CNTNAP2: variants seen among roughly 807,000 people sequenced by gnomAD.
The protein encoded by CNTNAP2 is contactin-associated protein-like 2.
A neutral mutation model predicts 155.2 loss-of-function variants in CNTNAP2; 98 were observed. The ratio of observed to expected loss-of-function variants is 0.63; its 90% CI spans 0.54 to 0.75. CNTNAP2 has a LOEUF of 0.75. Ranked by LOEUF, CNTNAP2 falls within the 30% of genes least tolerant of loss-of-function variation. The pLI, the probability that CNTNAP2 is intolerant of heterozygous loss-of-function variation, is 0.00. For missense variants in CNTNAP2, 1,727 were observed against 1,688.1 expected, an observed-to-expected ratio of 1.02 and a Z score of -0.40; for synonymous variants, 651 against 631.2, an observed-to-expected ratio of 1.03 and a Z score of -0.47.
chr7:146,179,219 G>C (rs1343027840), intron 1 of CNTNAP2, among the ~76,000 whole-genome samples: 1 of 152,124 alleles, frequency 6.6e-6, no homozygotes, highest in African/African-American at 2.4e-5. Context: ...ATGATCAGAT[G>C]AAAGTGTTGC....
chr7:147,796,590 A>AAG (rs1797898937), intron 13 of CNTNAP2, among the ~76,000 whole-genome samples: 1 of 152,122 alleles, frequency 6.6e-6, no homozygotes, highest in African/African-American at 2.4e-5. Context: ...ATTAAAAAAA[A>AAG]AAAACATAAA....
At chr7:146,334,154 G>A (rs577676361) in intron 1 of CNTNAP2, among the ~76,000 whole-genome samples, 135 of 152,274 alleles carry the variant, frequency 8.9e-4, no homozygotes, top group African/African-American at 3.2e-3. Context: ...CGCCCTGGCC[G>A]GGCGCGGTGG....
At chr7:146,795,150 C>G (rs1585094023) in intron 2 of CNTNAP2, among the ~76,000 whole-genome samples, 1 of 152,270 alleles carries the variant, frequency 6.6e-6, no homozygotes, top group East Asian at 1.9e-4. Context: ...CAACATAAAT[C>G]TCATGATAAA....
intron 17 of CNTNAP2, among the ~76,000 whole-genome samples, chr7:148,152,545 C>T (rs1805315833): frequency 1.3e-5 from 2 of 152,118 alleles, no homozygotes; most frequent in African/African-American, 4.8e-5. Flanking sequence ...ATCTTGTGAC[C>T]TCCGGCCACA....
At chr7:147,240,638 C>T (rs1803914742) in intron 8 of CNTNAP2, among the ~76,000 whole-genome samples, 3 of 147,680 alleles carry the variant, frequency 2.0e-5, no homozygotes, top group Admixed American at 1.4e-4. Context: ...TTCTCATTGT[C>T]TTAGGAGTTT....
chr7:147,365,266 T>A (rs538011299), intron 9 of CNTNAP2, among the ~76,000 whole-genome samples: 3 of 150,178 alleles, frequency 2.0e-5, no homozygotes, highest in South Asian at 4.2e-4. Context: ...TAGCCAGGTG[T>A]GGTGGCGGGT....
At chr7:146,752,112 A>G (rs1396514347) in intron 1 of CNTNAP2, among the ~76,000 whole-genome samples, 1 of 152,140 alleles carries the variant, frequency 6.6e-6, no homozygotes, top group Non-Finnish European at 1.5e-5. Context: ...TTATGGTAGA[A>G]TGATTTATCA....
At chr7:146,655,102 AT>A (rs1188267356) in intron 1 of CNTNAP2, among the ~76,000 whole-genome samples, 1 of 152,130 alleles carries the variant, frequency 6.6e-6, no homozygotes, top group Non-Finnish European at 1.5e-5. Flanking sequence ...ATAAGTCACA[AT>A]ACGTGAAATG....
intron 13 of CNTNAP2, among the ~76,000 whole-genome samples, chr7:147,835,594 G>C (rs1189297310): frequency 1.3e-5 from 2 of 152,168 alleles, no homozygotes; most frequent in Non-Finnish European, 2.9e-5. Flanking sequence ...ATAATGATTG[G>C]AAATCAACAT....
intron 15 of CNTNAP2, among the ~76,000 whole-genome samples, chr7:148,104,506 C>T (rs1804169417): frequency 6.6e-6 from 1 of 152,182 alleles, no homozygotes. Flanking sequence ...CTGCTCTGCA[C>T]AGTGGTGGAG....
chr7:148,015,208 T>C (rs1235019450), intron 15 of CNTNAP2, among the ~76,000 whole-genome samples: 1 of 152,026 alleles, frequency 6.6e-6, no homozygotes, highest in Non-Finnish European at 1.5e-5. Flanking sequence ...CATTACATAG[T>C]ATTTTTTTAA....
At chr7:147,654,163 A>G (rs543209382) in intron 13 of CNTNAP2, among the ~76,000 whole-genome samples, 6 of 152,356 alleles carry the variant, frequency 3.9e-5, no homozygotes, top group Admixed American at 3.3e-4. Flanking sequence ...GTTATGCTAC[A>G]TAGGTCTCTT....
intron 1 of CNTNAP2, among the ~76,000 whole-genome samples, chr7:146,603,709 T>C (rs1319365388): frequency 6.6e-6 from 1 of 151,128 alleles, no homozygotes; most frequent in Non-Finnish European, 1.5e-5. Context: ...AGCATGGTAC[T>C]GGTACCAAAA....
rs151006081 is a variant in CNTNAP2, at chr7:146,379,739, T to C, written c.97+262766T>C. Among the ~76,000 whole-genome samples the C allele has an allele frequency of 6.9e-4, 105 of 152,288 alleles. 1 individual carries two copies. The East Asian group carries it at 0.011, about 17-fold the overall frequency. On this transcript the variant is annotated intron_variant, in intron 1 of 23. Transcript: ENST00000361727. Reference sequence around the variant, plus strand: ...TTTGACCTAGAGATTGACAAAGGAATCTGCTTAGGATCACTTGGGATTCTT... The same window carrying C: ...TTTGACCTAGAGATTGACAAAGGAACCTGCTTAGGATCACTTGGGATTCTT...
chr7:147,623,878 G>A (rs1584862576), intron 12 of CNTNAP2, among the ~76,000 whole-genome samples: 1 of 152,006 alleles, frequency 6.6e-6, no homozygotes, highest in Non-Finnish European at 1.5e-5. Flanking sequence ...TACAGAGCTA[G>A]AGTAACCAAA....
At chr7:148,068,243 CCTTTTCCCTGTTGT>C (rs2116524546) in intron 15 of CNTNAP2, among the ~76,000 whole-genome samples, 2 of 152,168 alleles carry the variant, frequency 1.3e-5, no homozygotes, top group Non-Finnish European at 2.9e-5. Context: ...CTAGAAGTTT[CCTTTTCCCTGTTGT>C]CTTTCCCCAG....
chr7:146,404,141 A>AAAAAAAAAAAAAAAAAAC (rs1367526173), intron 1 of CNTNAP2, among the ~76,000 whole-genome samples: 8 of 147,494 alleles, frequency 5.4e-5, no homozygotes, highest in African/African-American at 2.1e-4. Context: ...AAAAAAAAAA[A>AAAAAAAAAAAAAAAAAAC]ACAAAGAACT....
chr7:147,369,484 A>G (rs1435951766), intron 9 of CNTNAP2, among the ~76,000 whole-genome samples: 1 of 152,194 alleles, frequency 6.6e-6, no homozygotes, highest in Non-Finnish European at 1.5e-5. Context: ...TCTATAGTAA[A>G]TCATTTCTCA....
At chr7:146,207,023 C>T (rs561159044) in intron 1 of CNTNAP2, among the ~76,000 whole-genome samples, 100 of 151,940 alleles carry the variant, frequency 6.6e-4, no homozygotes, top group African/African-American at 2.3e-3. Flanking sequence ...TAAGAGCTCT[C>T]AAAAAACAAC....
Sources: gnomAD v4.1 joint callset for allele counts (sites outside exome capture counted in the v4.1 genomes callset) on GRCh38, gnomAD v4.1.1 for gene constraint, MANE v1.5 for transcripts, NCBI Gene and HGNC (gene_info 2026-07-23, HGNC 2026-07-21) for gene names.